Variants in SECISBP2L observed in about 807,000 individuals in gnomAD.
SECISBP2L encodes the protein selenocysteine insertion sequence-binding protein 2-like.
Under a neutral mutation model 114.7 loss-of-function variants are expected in SECISBP2L, and 43 were observed. The observed-to-expected ratio is 0.38, with a 90% CI of 0.29 to 0.48. SECISBP2L has a LOEUF of 0.48. Among genes scored for constraint, SECISBP2L ranks in the 20% least tolerant of loss-of-function variants. The pLI, the probability that SECISBP2L is intolerant of heterozygous loss-of-function variation, is 0.98. For missense variants in SECISBP2L, 1,136 were observed against 1,301.1 expected (o/e 0.87, Z 1.95); for synonymous variants, 451 against 439.7 (o/e 1.03, Z -0.32).
chr15:49,033,869 C>T (rs1902948112), intron 3 of SECISBP2L, among the ~76,000 whole-genome samples: 1 of 152,130 alleles, frequency 6.6e-6, no homozygotes, highest in African/African-American at 2.4e-5. Flanking sequence ...AAACTGATCT[C>T]TTCCTTTACT....
intron 16 of SECISBP2L, among the ~76,000 whole-genome samples, chr15:48,999,336 A>C (rs1425291197): frequency 9.3e-6 from 1 of 107,192 alleles, no homozygotes; most frequent in African/African-American, 6.6e-5. Context: ...CCTATGATAA[A>C]GATCTATATT....
chr15:49,032,754 G>A (rs898761419), intron 4 of SECISBP2L, among the ~76,000 whole-genome samples: 3 of 152,020 alleles, frequency 2.0e-5, no homozygotes, highest in Non-Finnish European at 2.9e-5. Flanking sequence ...TCTTAAACCC[G>A]CCCAAAATTG....
intron 1 of SECISBP2L, among the ~76,000 whole-genome samples, 178 bp downstream of exon 1, chr15:49,046,098 A>T (rs996852884): frequency 6.6e-6 from 1 of 152,212 alleles, no homozygotes; most frequent in Non-Finnish European, 1.5e-5. Flanking sequence ...AAAGCCCCCA[A>T]GTCCCAGGCA....
intron 11 of SECISBP2L, among the ~76,000 whole-genome samples, chr15:49,015,789 G>A (rs1166279503): frequency 6.6e-6 from 1 of 152,148 alleles, no homozygotes; most frequent in Non-Finnish European, 1.5e-5. Flanking sequence ...TAATTTAAGA[G>A]AGCCAGATTA....
At chr15:49,019,075 G>A (rs1902591471) in intron 8 of SECISBP2L, among the ~76,000 whole-genome samples, 1 of 152,098 alleles carries the variant, frequency 6.6e-6, no homozygotes, top group African/African-American at 2.4e-5. Context: ...ACTCAAATCT[G>A]AAAAGCCTTT....
chr15:49,028,257 G>A lies in SECISBP2L; in HGVS notation c.895-89C>T. 1.4e-5 allele frequency: 16 copies of A among 1,158,902 alleles called. No individual in the cohort carries two copies. In the South Asian group the frequency reaches 2.1e-4, roughly 15 times the overall value. The allele number at this position is 1,158,902 out of a possible 1,614,324, so 71.8% of individuals were successfully genotyped here. A position where few individuals can be genotyped will look rare whatever the true frequency, so the allele number is the denominator to read the frequency against. ...AATGTTTTATAATTTATCCTAGTGT[G>A]AAGCATGCATATCACAATATTATCA... On this transcript the variant is annotated intron_variant, in intron 5 of 17. Coordinates refer to ENST00000559471, the MANE Select transcript of SECISBP2L (RefSeq NM_001193489.2).
At chr15:49,038,480 A>C (rs1314062202) in intron 1 of SECISBP2L, among the ~76,000 whole-genome samples, 1 of 151,902 alleles carries the variant, frequency 6.6e-6, no homozygotes, top group African/African-American at 2.4e-5. Context: ...TATGGGCAAC[A>C]AAACTATAAA....
At chr15:49,039,094 T>C (rs1903068866) in intron 1 of SECISBP2L, among the ~76,000 whole-genome samples, 1 of 152,180 alleles carries the variant, frequency 6.6e-6, no homozygotes, top group Admixed American at 6.5e-5. Flanking sequence ...GGGGTGGGGA[T>C]GGTAAAATCT....
chr15:49,039,510 ATTTC>A (rs1034291841), intron 1 of SECISBP2L, among the ~76,000 whole-genome samples: 2 of 150,872 alleles, frequency 1.3e-5, no homozygotes, highest in Admixed American at 6.6e-5. Context: ...AATTTTTAGG[ATTTC>A]TTTTTTTTTT....
intron 2 of SECISBP2L, among the ~76,000 whole-genome samples, chr15:49,036,554 T>TC (rs1903012062): frequency 6.6e-6 from 1 of 152,248 alleles, no homozygotes; most frequent in African/African-American, 2.4e-5. Context: ...GGCCATTTTT[T>TC]CAAATAGAAA....
chr15:49,034,603 T>C (rs201065205), intron 3 of SECISBP2L, among the ~76,000 whole-genome samples: 2 of 151,654 alleles, frequency 1.3e-5, no homozygotes, highest in East Asian at 3.9e-4. Flanking sequence ...AGCGATCTAA[T>C]GAACCACAAA....
rs1566849625 is a variant in SECISBP2L at position 48,992,280 on chromosome 15, C to G, written c.3270G>C (p.Glu1090Asp). The G allele has an allele frequency of 1.9e-6, 3 of 1,611,832 alleles. No homozygotes were observed. Among genetic ancestry groups the G allele is most frequent in the Non-Finnish European group, 1.7e-6 (2 of 1,179,224 alleles). Residue 1090 changes from glutamate to aspartate, a missense_variant, in exon 18 of 18, where the codon GAG (glutamate) becomes GAC (aspartate). Around this residue, in one of 2 missense-constraint regions of SECISBP2L, gnomAD observed 684 missense variants for 848.7 expected, o/e 0.81. Transcript: ENST00000559471. Reference protein sequence around the residue: ...KSSNCSSLNKEHSDSNYTTQT... With the variant: ...KSSNCSSLNKDHSDSNYTTQT... The stretch of plus-strand genomic sequence containing the variant: ...GCGTTGTGTAATTAGAATCAGAGTG[C>G]TCTTTGTTGAGCGAGCTGCAGTTGC...
At chr15:49,028,300 ATAT>A (rs1266098947) in intron 5 of SECISBP2L, 132 bp from the exon 6 acceptor site, 1 of 981,744 alleles carries the variant, frequency 1.0e-6, no homozygotes, top group Non-Finnish European at 1.5e-6. Flanking sequence ...TCATAAATGA[ATAT>A]TTTTATTAAT....
chr15:49,024,986 T>C (rs922830497), intron 7 of SECISBP2L, among the ~76,000 whole-genome samples: 1 of 152,302 alleles, frequency 6.6e-6, no homozygotes, highest in Admixed American at 6.5e-5. Flanking sequence ...TCAGTATTAT[T>C]TCCTCTCTAG....
In SECISBP2L at chr15:48,992,402, C is replaced by G. The variant is rs755210995; in HGVS notation, c.3148G>C (p.Glu1050Gln). 1.4e-5 allele frequency: 23 copies of G among 1,614,184 alleles called. No homozygotes were observed. The highest frequency in any genetic ancestry group is 1.9e-5 in the Non-Finnish European group (22 of 1,180,036). The change falls in exon 18 of 18, where the codon GAA becomes CAA. Residue 1050 changes from glutamate to glutamine, a missense_variant. By Grantham distance (29) the Glu-to-Gln change is conservative. Coordinates refer to ENST00000559471, the MANE Select transcript of SECISBP2L (RefSeq NM_001193489.2). Reference protein sequence around the residue: ...SEEDNVEQSGEEEAEAPEVLE... With the variant: ...SEEDNVEQSGQEEAEAPEVLE... ...ACCTCAGGCGCCTCTGCTTCCTCTT[C>G]TCCACTTTGCTCTACATTGTCTTCC...
chr15:49,002,030 GAC>G (rs71432275), intron 14 of SECISBP2L: 75,829 of 151,902 alleles, frequency 0.5, 21,164 homozygotes, highest in Non-Finnish European at 0.63. Context: ...TTGAGGAATC[GAC>G]ACACTGTCTT....
intron 1 of SECISBP2L, among the ~76,000 whole-genome samples, chr15:49,046,039 G>A (rs1188230475): frequency 2.0e-5 from 3 of 152,216 alleles, no homozygotes; most frequent in Non-Finnish European, 4.4e-5. Flanking sequence ...CCAAGCAGGG[G>A]AGAAGCGGCA....
At chr15:49,002,771 G>A (rs1049839187) in intron 14 of SECISBP2L, among the ~76,000 whole-genome samples, 1 of 152,158 alleles carries the variant, frequency 6.6e-6, no homozygotes, top group Non-Finnish European at 1.5e-5. Flanking sequence ...GTAGATGTGT[G>A]GAGTTATTTC....
chr15:49,010,791 C>T (rs903471405), intron 13 of SECISBP2L, among the ~76,000 whole-genome samples: 2 of 152,192 alleles, frequency 1.3e-5, no homozygotes, highest in East Asian at 1.9e-4. Context: ...GGATTATAGG[C>T]GTGAGCCACT....
Sources: gnomAD v4.1 joint callset for allele counts (sites outside exome capture counted in the v4.1 genomes callset) on GRCh38, gnomAD v4.1.1 for gene constraint, gnomAD v4.1.1 regional missense constraint, MANE v1.5 for transcripts, NCBI Gene and HGNC (gene_info 2026-07-23, HGNC 2026-07-21) for gene names.